Variants in CDC42BPA observed in about 807,000 individuals in gnomAD.
CDC42BPA encodes CDC42 binding protein kinase alpha, also known as serine/threonine-protein kinase MRCK alpha.
CDC42BPA carries 80 observed loss-of-function variants against 223.5 expected under a neutral mutation model. That is an observed-to-expected ratio of 0.36 (90% CI 0.30 to 0.43). The LOEUF (loss-of-function observed/expected upper bound fraction) is 0.43. Ranked by LOEUF, CDC42BPA falls within the 20% of genes least tolerant of loss-of-function variation. The pLI is 1.00. For synonymous variants in CDC42BPA, 694 were observed against 718.6 expected, an observed-to-expected ratio of 0.97 and a Z score of 0.55; for missense variants, 1,743 against 2,099.9, an observed-to-expected ratio of 0.83 and a Z score of 3.32.
At chr1:227,065,055 C>A (rs886681386) in intron 21 of CDC42BPA, among the ~76,000 whole-genome samples, 1 of 151,562 alleles carries the variant, frequency 6.6e-6, no homozygotes, top group Admixed American at 6.6e-5. Flanking sequence ...TGAGATCGCG[C>A]CACTGCACTC....
At chr1:227,243,791 CACGT>C (rs1338530197) in intron 2 of CDC42BPA, among the ~76,000 whole-genome samples, 1 of 148,636 alleles carries the variant, frequency 6.7e-6, no homozygotes, top group Non-Finnish European at 1.5e-5. Context: ...CACACACACA[CACGT>C]GTGCACATCT....
At chr1:227,305,410 T>C (rs1692363928) in intron 1 of CDC42BPA, among the ~76,000 whole-genome samples, 1 of 152,214 alleles carries the variant, frequency 6.6e-6, no homozygotes, top group Non-Finnish European at 1.5e-5. Context: ...CTCACATTTG[T>C]ATAATGTCTG....
intron 23 of CDC42BPA, among the ~76,000 whole-genome samples, chr1:227,042,228 C>T (rs1369414348): frequency 6.6e-6 from 1 of 151,554 alleles, no homozygotes; most frequent in Non-Finnish European, 1.5e-5. Flanking sequence ...AGCAATGAAA[C>T]AACTCTAGGG....
At chr1:227,119,998 G>C (rs1158141806) in intron 11 of CDC42BPA, 61 bp from the exon 12 acceptor site, 34 of 1,393,892 alleles carry the variant, frequency 2.4e-5, no homozygotes, top group Non-Finnish European at 3.2e-5. Context: ...TTGAACCTAA[G>C]GTAAAACAAC....
intron 5 of CDC42BPA, among the ~76,000 whole-genome samples, chr1:227,177,240 A>G (rs1386728909): frequency 6.6e-6 from 1 of 151,964 alleles, no homozygotes; most frequent in African/African-American, 2.4e-5. Context: ...TCTTTGCCCT[A>G]CATTCTGAAG....
chr1:227,041,515 A>G (rs1671372525), intron 23 of CDC42BPA, among the ~76,000 whole-genome samples: 1 of 152,234 alleles, frequency 6.6e-6, no homozygotes, highest in Admixed American at 6.5e-5. Flanking sequence ...CATATGAACA[A>G]AAAACTAAAG....
chr1:227,229,237 A>G (rs1677391580), intron 2 of CDC42BPA, among the ~76,000 whole-genome samples: 1 of 152,124 alleles, frequency 6.6e-6, no homozygotes, highest in Non-Finnish European at 1.5e-5. Context: ...TCACATGTGG[A>G]TATCCAGTTG....
chr1:227,074,186 G>T, intron 18 of CDC42BPA, 73 bp downstream of exon 18: 1 of 1,353,198 alleles, frequency 7.4e-7, no homozygotes, highest in Non-Finnish European at 1.0e-6. Context: ...TAAGTAATTG[G>T]ATTTATTATA....
intron 31 of CDC42BPA, 80 bp downstream of exon 31, chr1:227,025,975 A>T (rs1009761999): frequency 1.3e-5 from 8 of 595,380 alleles, no homozygotes; most frequent in African/African-American, 1.2e-4. Flanking sequence ...TTGAATTAAT[A>T]AAAAAAAAAT....
intron 2 of CDC42BPA, among the ~76,000 whole-genome samples, chr1:227,214,017 T>C (rs889616436): frequency 6.6e-6 from 1 of 152,146 alleles, no homozygotes; most frequent in African/African-American, 2.4e-5. Flanking sequence ...GGACTTGCCA[T>C]AGGCCACAGG....
In CDC42BPA at chr1:227,028,662, G is replaced by C. The variant is rs142464333; in HGVS notation, c.4427C>G (p.Ser1476Cys). ...CGTAAGAAAGAGAATCTTACAACAA[G>C]AGGAAGGATTTGCTGGCCACATCAA... ...QELMWPANPS[S>C]CCYNAPYLSV... Residue 1476 changes from serine to cysteine, a missense_variant, in exon 30 of 37, where the codon TCT becomes TGT. Transcript: ENST00000366766. The C allele has an allele frequency of 5.8e-6, 9 of 1,550,598 alleles. No homozygotes were observed. Among genetic ancestry groups the C allele is most frequent in the Middle Eastern group, 1.7e-4 (1 of 5,794 alleles).
intron 5 of CDC42BPA, among the ~76,000 whole-genome samples, chr1:227,161,266 C>T (rs1009939460): frequency 6.6e-6 from 1 of 152,076 alleles, no homozygotes; most frequent in Admixed American, 6.6e-5. Flanking sequence ...CATGTGAATG[C>T]AAACCTTAGA....
intron 2 of CDC42BPA, among the ~76,000 whole-genome samples, chr1:227,215,639 A>C (rs1182281466): frequency 6.6e-6 from 1 of 152,170 alleles, no homozygotes; most frequent in Admixed American, 6.5e-5. Context: ...TAAGCATTCA[A>C]TAAGTGTTAG....
chr1:227,113,220 T>A (rs1687211458), intron 12 of CDC42BPA, among the ~76,000 whole-genome samples: 1 of 152,228 alleles, frequency 6.6e-6, no homozygotes, highest in South Asian at 2.1e-4. Context: ...TTGTGAAATT[T>A]AATAAATATG....
At chr1:227,124,621 G>C (rs993771159) in intron 11 of CDC42BPA, among the ~76,000 whole-genome samples, 28 of 152,138 alleles carry the variant, frequency 1.8e-4, no homozygotes, top group African/African-American at 6.0e-4. Flanking sequence ...AGGAAGTGGA[G>C]CATCACTGGG....
In CDC42BPA at chr1:227,077,878, G is replaced by A. The variant is rs756050347; in HGVS notation, c.2480+3015C>T. 2.5e-4 allele frequency among the ~76,000 whole-genome samples: 38 copies of A among 152,038 alleles called. 1 individual carries two copies. The highest frequency in any genetic ancestry group is 6.6e-5 in the Admixed American group (1 of 15,260). ...ATCTCTTGCCCTTCATTTGTAAATA[G>A]TATTAAGTCCTATAGAGTTTTCTTT... On this transcript the variant is annotated intron_variant, in intron 17 of 36. Coordinates refer to ENST00000366766, the MANE Select transcript of CDC42BPA (RefSeq NM_001394014.1).
chr1:227,082,219 A>AT (rs1198857965), intron 16 of CDC42BPA, among the ~76,000 whole-genome samples: 5 of 148,028 alleles, frequency 3.4e-5, no homozygotes, highest in Admixed American at 6.8e-5. Context: ...TATTTTTTAA[A>AT]TTTTTTTGTA....
chr1:227,310,385 AAG>A (rs1002208108), intron 1 of CDC42BPA, among the ~76,000 whole-genome samples: 1 of 152,190 alleles, frequency 6.6e-6, no homozygotes, highest in African/African-American at 2.4e-5. Context: ...CTAATCCCAA[AAG>A]AGAAGCAAAC....
intron 3 of CDC42BPA, among the ~76,000 whole-genome samples, chr1:227,212,854 C>T (rs1674172498): frequency 6.6e-6 from 1 of 152,114 alleles, no homozygotes; most frequent in East Asian, 1.9e-4. Flanking sequence ...AAATGTCTTT[C>T]TATAGAAGAA....
Sources: allele counts gnomAD v4.1 joint callset (sites outside exome capture counted in the v4.1 genomes callset), GRCh38; gene constraint gnomAD v4.1.1; transcripts MANE v1.5; gene names NCBI Gene and HGNC (gene_info 2026-07-23, HGNC 2026-07-21).